The following C9orf152 variants were observed in gnomAD, a reference collection of about 807,000 sequenced individuals.
The protein encoded by C9orf152 is uncharacterized protein C9orf152.
In C9orf152, 8 loss-of-function variants were observed where a neutral mutation model predicts 8.5. That is an observed-to-expected ratio of 0.94 (90% CI 0.55 to 1.70). The LOEUF is 1.70. C9orf152 is among the 40% of genes most tolerant of loss of function. C9orf152 has a pLI of 0.00. For missense variants in C9orf152, 293 were observed against 286.2 expected, an observed-to-expected ratio of 1.02 and a Z score of -0.17; for synonymous variants, 109 against 113.0, an observed-to-expected ratio of 0.96 and a Z score of 0.22.
intron 1 of C9orf152, 72 bp downstream of exon 1, chr9:110,207,315 G>A (rs1837283455): frequency 6.5e-7 from 1 of 1,526,944 alleles, no homozygotes; most frequent in Admixed American, 2.0e-5. Flanking sequence ...CCCTGGCTCT[G>A]CCTCCCTGCA....
Position 110,200,853 on chromosome 9 carries a change from C to G in C9orf152, c.*95G>C, listed in dbSNP as rs75644967. The G allele has an allele frequency of 4.8e-6, 6 of 1,247,704 alleles. No individual in the cohort carries two copies. The African/African-American group carries it at 7.5e-5, about 16-fold the overall frequency. 77.3% of individuals were successfully genotyped at this position (1,247,704 alleles called of 1,614,324 possible). On this transcript the variant is annotated 3_prime_UTR_variant, in exon 2 of 2. Coordinates refer to ENST00000400613, the MANE Select transcript of C9orf152 (RefSeq NM_001012993.3). ...TAATTAGGTTAGTCCAGTTCTTGCTCATAGCTAGAGACCTCGTTGTGGCTC... is the reference window on the plus strand; with the variant it reads ...TAATTAGGTTAGTCCAGTTCTTGCTGATAGCTAGAGACCTCGTTGTGGCTC...
At position 110,201,554 on chromosome 9, in the gene C9orf152, A is replaced by G. The variant is rs1837222305; in HGVS notation, c.194-80T>C. On this transcript the variant is annotated intron_variant, in intron 1 of 1. Transcript: ENST00000400613. ...CACTTAGGGGGTCTCATTGCTTTCA[A>G]GCTGAAGGAAGGCCATCCCCAGAAG... The G allele has an allele frequency of 8.3e-6, 10 of 1,198,920 alleles. No homozygotes were observed. In the South Asian group the frequency reaches 1.6e-4, roughly 19 times the overall value. The allele number at this position is 1,198,920 out of a possible 1,614,324, so 74.3% of individuals were successfully genotyped here.
At position 110,200,944 on chromosome 9, in the gene C9orf152, A is replaced by G; in HGVS notation, c.*4T>C. On this transcript the variant is annotated 3_prime_UTR_variant, in exon 2 of 2. Coordinates refer to ENST00000400613, the MANE Select transcript of C9orf152 (RefSeq NM_001012993.3). ...GGTCAAGACATCTGGCAGAATAGAA[A>G]GCTTCACGCTGAGCCATATAAGCCC... The G allele has an allele frequency of 6.3e-7, 1 of 1,589,638 alleles. No homozygotes were observed. The highest frequency in any genetic ancestry group is 8.5e-7 in the Non-Finnish European group (1 of 1,170,364).
intron 1 of C9orf152, 27 bp from the exon 2 acceptor site, chr9:110,201,501 C>A: frequency 6.7e-7 from 1 of 1,498,402 alleles, no homozygotes; most frequent in South Asian, 1.4e-5. Context: ...CCAGCAGGGT[C>A]ATCACTGGAA....
rs575013549 is a variant in C9orf152 at position 110,199,874 on chromosome 9, C to A, written c.*1074G>T. ...AAAGCTAAACATTAACCAGGAAATA[C>A]AAGCTTTTTTCCCTATCACCCAAGT... On this transcript the variant is annotated 3_prime_UTR_variant, in exon 2 of 2. Transcript: ENST00000400613. The A allele has an allele frequency of 5.9e-5, 9 of 152,254 alleles. No individual in the cohort carries two copies. The highest frequency in any genetic ancestry group is 1.7e-4 in the African/African-American group (7 of 41,532). 9.4% of individuals were successfully genotyped at this position (152,254 alleles called of 1,614,324 possible).
intron 1 of C9orf152, among the ~76,000 whole-genome samples, chr9:110,206,884 G>A (rs1468370956): frequency 6.6e-6 from 1 of 152,248 alleles, no homozygotes; most frequent in Non-Finnish European, 1.5e-5. Context: ...CTCCCCATGA[G>A]GGGGTTTCTG....
At chr9:110,203,929 C>T (rs1378947422) in intron 1 of C9orf152, among the ~76,000 whole-genome samples, 3 of 152,086 alleles carry the variant, frequency 2.0e-5, no homozygotes, top group Non-Finnish European at 4.4e-5. Flanking sequence ...CCCTAACTGC[C>T]TGAGACCTTT....
chr9:110,204,229 T>A (rs1179082727), intron 1 of C9orf152, among the ~76,000 whole-genome samples: 1 of 152,170 alleles, frequency 6.6e-6, no homozygotes, highest in African/African-American at 2.4e-5. Context: ...CTGGGAGTAA[T>A]TGGGGCTCCA....
intron 1 of C9orf152, among the ~76,000 whole-genome samples, chr9:110,204,895 C>G (rs1221188004): frequency 1.3e-5 from 2 of 152,214 alleles, no homozygotes; most frequent in Non-Finnish European, 2.9e-5. Context: ...ACTGACTTCA[C>G]TCAGCATAAT....
Position 110,207,690 on chromosome 9 carries a change from G to A in C9orf152, c.-111C>T. On this transcript the variant is annotated 5_prime_UTR_variant, in exon 1 of 2. Transcript: ENST00000400613. ...AGAAGTGACGGGCAAAAGGAGGGTG[G>A]AAAGAGGAGTGGGACTGAGGAAGGA... 2 of 757,382 alleles carry A rather than the reference G, an allele frequency of 2.6e-6. No homozygotes were observed. The highest frequency in any genetic ancestry group is 2.0e-6 in the Non-Finnish European group (1 of 493,912). The allele number at this position is 757,382 out of a possible 1,614,324, so 46.9% of individuals were successfully genotyped here.
intron 1 of C9orf152, among the ~76,000 whole-genome samples, chr9:110,203,870 C>G (rs566042189): frequency 6.6e-6 from 1 of 152,170 alleles, no homozygotes; most frequent in South Asian, 2.1e-4. Flanking sequence ...GAGAGAAGAG[C>G]GAAGAGAGTG....
In C9orf152 at chr9:110,200,613, T is replaced by C; in HGVS notation, c.*335A>G. ...TGTTGGCTAGGTCCCTGGTTTATGT[T>C]CCAAAATTATCCAGTTCCAGGGATG... On this transcript the variant is annotated 3_prime_UTR_variant, in exon 2 of 2. Transcript: ENST00000400613. 4.6e-6 allele frequency: 1 copy of C among 216,342 alleles called. No individual in the cohort carries two copies. Among genetic ancestry groups the C allele is most frequent in the Non-Finnish European group, 9.0e-6 (1 of 111,052 alleles). The allele number at this position is 216,342 out of a possible 1,614,324, so 13.4% of individuals were successfully genotyped here.
At chr9:110,201,598 G>A in intron 1 of C9orf152, 124 bp from the exon 2 acceptor site, 1 of 660,086 alleles carries the variant, frequency 1.5e-6, no homozygotes, top group Non-Finnish European at 2.4e-6. Flanking sequence ...TACATTTCAT[G>A]TGTGTACATG....
rs770374156 is a variant in C9orf152 at position 110,207,607 on chromosome 9, C to A, written c.-28G>T. ...GGATCCGGGAGAAAAGCAAACACAG[C>A]TGGGTGGGGCAGGACCTGGGGAGGG... On this transcript the variant is annotated 5_prime_UTR_variant, in exon 1 of 2. Coordinates refer to ENST00000400613, the MANE Select transcript of C9orf152 (RefSeq NM_001012993.3). 4 of 1,531,856 alleles carry A rather than the reference C, an allele frequency of 2.6e-6. No homozygotes were observed. The highest frequency in any genetic ancestry group is 3.5e-6 in the Non-Finnish European group (4 of 1,142,100). 94.9% of individuals were successfully genotyped at this position (1,531,856 alleles called of 1,614,324 possible). A position where few individuals can be genotyped will look rare whatever the true frequency, so the allele number is the denominator to read the frequency against.
intron 1 of C9orf152, among the ~76,000 whole-genome samples, chr9:110,207,131 A>T (rs1269098946): frequency 1.3e-5 from 2 of 152,228 alleles, no homozygotes; most frequent in African/African-American, 4.8e-5. Flanking sequence ...AGCCTGGCTC[A>T]CCAGGCTGAC....
chr9:110,200,793 G>T lies in C9orf152; in HGVS notation c.*155C>A. On this transcript the variant is annotated 3_prime_UTR_variant, in exon 2 of 2. Coordinates refer to ENST00000400613, the MANE Select transcript of C9orf152 (RefSeq NM_001012993.3). Reference sequence around the variant, plus strand: ...CTTCTTATTGGAAGGGTAAAACCATGTTACCATTGTGAAGTTCGTCTCCCA... The same window carrying T: ...CTTCTTATTGGAAGGGTAAAACCATTTTACCATTGTGAAGTTCGTCTCCCA... The T allele has an allele frequency of 1.3e-6, 1 of 772,170 alleles. No homozygotes were observed. Among genetic ancestry groups the T allele is most frequent in the South Asian group, 1.9e-5 (1 of 53,206 alleles). The allele number at this position is 772,170 out of a possible 1,614,324, so 47.8% of individuals were successfully genotyped here.
intron 1 of C9orf152, among the ~76,000 whole-genome samples, chr9:110,202,574 C>G (rs1050520755): frequency 2.0e-5 from 3 of 152,068 alleles, no homozygotes. Flanking sequence ...ACCAATGTCT[C>G]TTTTCTTTCT....
At chr9:110,202,848 G>A (rs59862957) in intron 1 of C9orf152, among the ~76,000 whole-genome samples, 33,765 of 151,730 alleles carry the variant, frequency 0.22, 4,659 homozygotes, top group African/African-American at 0.38. Flanking sequence ...AAGCCCCTGA[G>A]CTCCAATTCA....
intron 1 of C9orf152, among the ~76,000 whole-genome samples, chr9:110,206,319 T>C (rs1256852206): frequency 2.6e-5 from 4 of 152,224 alleles, no homozygotes. Flanking sequence ...AGCAATTAGA[T>C]TTGTGAGTCT....
Sources: allele counts gnomAD v4.1 joint callset (sites outside exome capture counted in the v4.1 genomes callset), GRCh38; gene constraint gnomAD v4.1.1; transcripts MANE v1.5; gene names NCBI Gene and HGNC (gene_info 2026-07-23, HGNC 2026-07-21).